Variants in ADNP2 observed in about 807,000 individuals in gnomAD.
The protein encoded by ADNP2 is ADNP homeobox 2, also known as activity-dependent neuroprotector homeobox protein 2.
ADNP2 carries 8 observed loss-of-function variants against 16.4 expected under a neutral mutation model. The observed-to-expected ratio is 0.49, with a 90% CI of 0.29 to 0.88. The LOEUF is 0.88. ADNP2 is among the 40% of genes least tolerant of loss of function. The pLI is 0.09. For missense variants in ADNP2, 1,397 were observed against 1,395.1 expected (o/e 1.00, Z -0.02); for synonymous variants, 637 against 545.8 (o/e 1.17, Z -2.33).
chr18:80,115,201 T>C (rs556975639), intron 1 of ADNP2, among the ~76,000 whole-genome samples: 2 of 152,338 alleles, frequency 1.3e-5, no homozygotes, highest in East Asian at 3.9e-4. Context: ...ATGCCCACAT[T>C]GTCTCGTATC....
chr18:80,112,675 A>T (rs1677633738), intron 1 of ADNP2, among the ~76,000 whole-genome samples: 1 of 152,336 alleles, frequency 6.6e-6, no homozygotes, highest in African/African-American at 2.4e-5. Flanking sequence ...CCAATCTCTG[A>T]GAGCCTCATT....
rs1419875288 is a variant in ADNP2 at position 80,133,163 on chromosome 18, T to G, written c.169T>G (p.Ser57Ala). 1 of 1,613,666 alleles carries G rather than the reference T, an allele frequency of 6.2e-7. No homozygotes were observed. Among genetic ancestry groups the G allele is most frequent in the Non-Finnish European group, 8.5e-7 (1 of 1,179,690 alleles). The change falls in exon 3 of 4, where the codon TCT becomes GCT. Residue 57 changes from serine to alanine, a missense_variant. By Grantham distance (99) the Ser-to-Ala change is moderately conservative. Coordinates refer to ENST00000262198, the MANE Select transcript of ADNP2 (RefSeq NM_014913.4). ...YFHNTSWGDV[S>A]LWEPSGKKVR... ...TCATAACACATCATGGGGTGATGTTTCTCTCTGGGAACCTTCTGGAAAGAA... is the reference window on the plus strand; with the variant it reads ...TCATAACACATCATGGGGTGATGTTGCTCTCTGGGAACCTTCTGGAAAGAA...
chr18:80,136,165 T>C lies in ADNP2; in HGVS notation c.752T>C (p.Ile251Thr). ...RDLENKLRSV[I>T]SEHIKRTGLL... ...TTGGAGAATAAGCTTAGATCTGTGA[T>C]TTCAGAACATATTAAGAGGACTGGA... Residue 251 changes from isoleucine (I) to threonine (T), a missense_variant, in exon 4 of 4, where the codon ATT (isoleucine) becomes ACT (threonine). Ile to Thr is a moderately conservative substitution (Grantham distance 89). Transcript: ENST00000262198. 1 of 1,614,246 alleles carries C rather than the reference T, an allele frequency of 6.2e-7. No individual in the cohort carries two copies. Among genetic ancestry groups the C allele is most frequent in the Non-Finnish European group, 8.5e-7 (1 of 1,180,038 alleles).
intron 1 of ADNP2, among the ~76,000 whole-genome samples, chr18:80,116,755 C>T (rs538545990): frequency 7.9e-5 from 12 of 152,306 alleles, no homozygotes; most frequent in Admixed American, 4.6e-4. Context: ...CTCACCTCAG[C>T]CTCCTGGATA....
intron 1 of ADNP2, among the ~76,000 whole-genome samples, chr18:80,113,323 A>T (rs931766018): frequency 6.6e-6 from 1 of 152,212 alleles, no homozygotes; most frequent in Non-Finnish European, 1.5e-5. Context: ...AAAGAAATTT[A>T]TCCGCTTCAA....
intron 2 of ADNP2, among the ~76,000 whole-genome samples, chr18:80,129,110 T>TTG (rs1041908232): frequency 5.3e-5 from 8 of 149,696 alleles, no homozygotes; most frequent in African/African-American, 2.0e-4. Context: ...TTTTTGTTTT[T>TTG]TTTTTTTTTT....
At position 80,139,345 on chromosome 18, in the gene ADNP2, C is replaced by G. The variant is rs944403859; in HGVS notation, c.*536C>G. The G allele has an allele frequency of 7.3e-5, 11 of 151,240 alleles. No homozygotes were observed. The highest frequency in any genetic ancestry group is 2.2e-4 in the African/African-American group (9 of 41,200). 9.4% of individuals were successfully genotyped at this position (151,240 alleles called of 1,614,324 possible). On this transcript the variant is annotated 3_prime_UTR_variant, in exon 4 of 4. Transcript: ENST00000262198. ...ACTTACGCTGACTTCTTTGTAAGAT[C>G]TTTGCTTATAGATTATAATTTAGAT...
At chr18:80,133,047 A>G in intron 2 of ADNP2, 56 bp from the exon 3 acceptor site, 1 of 1,248,896 alleles carries the variant, frequency 8.0e-7, no homozygotes, top group Non-Finnish European at 1.2e-6. Context: ...TTCTAATTAA[A>G]TATTTCTTTA....
chr18:80,114,617 G>A (rs1432458661), intron 1 of ADNP2, among the ~76,000 whole-genome samples: 1 of 152,064 alleles, frequency 6.6e-6, no homozygotes, highest in Non-Finnish European at 1.5e-5. Context: ...CACTACATTC[G>A]AGCGGGTTAT....
Position 80,125,154 on chromosome 18 carries a change from G to A in ADNP2, c.108+7504G>A, listed in dbSNP as rs143601659. 1.2e-3 allele frequency among the ~76,000 whole-genome samples: 190 copies of A among 152,300 alleles called. 2 individuals carry two copies. The highest frequency in any genetic ancestry group is 4.2e-3 in the African/African-American group (176 of 41,568). The stretch of plus-strand genomic sequence containing the variant: ...TTTGTTACCCAACGTGTTAGCCTAT[G>A]CCTTTTGAGTATCTGGACCCAGGGG... On this transcript the variant is annotated intron_variant, in intron 2 of 3. Transcript: ENST00000262198.
chr18:80,121,060 T>C (rs934395164), intron 2 of ADNP2, among the ~76,000 whole-genome samples: 1 of 152,224 alleles, frequency 6.6e-6, no homozygotes, highest in East Asian at 1.9e-4. Flanking sequence ...CTGCCAAACT[T>C]TTCACAGTGA....
Position 80,138,227 on chromosome 18 carries a change from C to T in ADNP2, c.2814C>T (p.Cys938=). The part of the protein sequence containing the change: ...LAAIAVHLVR[C]RSAPKDSSSD... ...CCATCGCCGTCCATTTGGTGCGCTG[C>T]AGAAGTGCTCCCAAGGACAGCAGCT... The change falls in exon 4 of 4, where the codon TGC becomes TGT. Residue 938 remains cysteine, a synonymous_variant. Coordinates refer to ENST00000262198, the MANE Select transcript of ADNP2 (RefSeq NM_014913.4). 1.9e-6 allele frequency: 3 copies of T among 1,614,150 alleles called. No homozygotes were observed. The highest frequency in any genetic ancestry group is 8.5e-7 in the Non-Finnish European group (1 of 1,180,038).
In ADNP2 at chr18:80,137,117, C is replaced by G; in HGVS notation, c.1704C>G (p.Asn568Lys). The G allele has an allele frequency of 6.2e-7, 1 of 1,614,222 alleles. No homozygotes were observed. Among genetic ancestry groups the G allele is most frequent in the Non-Finnish European group, 8.5e-7 (1 of 1,180,044 alleles). ...TGAGGCCTGGGGTCTTGCAACTCAACCAGACTGTGGGCACCAACATTCTGC... is the reference window on the plus strand; with the variant it reads ...TGAGGCCTGGGGTCTTGCAACTCAAGCAGACTGTGGGCACCAACATTCTGC... ...QPVRPGVLQL[N>K]QTVGTNILPV... The change falls in exon 4 of 4, where the codon AAC becomes AAG. Residue 568 changes from asparagine to lysine, a missense_variant. By Grantham distance (94) the Asn-to-Lys change is moderately conservative (BLOSUM62 0). Transcript: ENST00000262198. The surrounding 1 kb of genome is among the most constrained non-coding windows in gnomAD (Gnocchi z 4.2).
chr18:80,133,196 T>G lies in ADNP2; in HGVS notation c.198+4T>G, dbSNP rs111782975. The G allele has an allele frequency of 2.4e-3, 3,932 of 1,607,756 alleles. 91 individuals carry two copies. The African/African-American group carries it at 0.046, about 19-fold the overall frequency. ...GGAACCTTCTGGAAAGAAAGTGGTA[T>G]GTATTTTTTGCATTTGTTTTTCATG... On this transcript the variant is annotated splice_donor_region_variant and intron_variant, in intron 3 of 3. Coordinates refer to ENST00000262198, the MANE Select transcript of ADNP2 (RefSeq NM_014913.4).
rs1329341675 is a variant in ADNP2 at position 80,135,900 on chromosome 18, TCAAA to T, written c.490_493del (p.Asn164LeufsTer6). On this transcript the variant is annotated frameshift_variant, in exon 4 of 4. Transcript: ENST00000262198. LOFTEE classifies it low-confidence loss of function (END_TRUNC). ...TTTCACATGTCTAAAATGTAACTTT[TCAAA>T]CACTTTGTACTACAGCATGAAGAAG... 2 of 1,614,244 alleles carry T rather than the reference TCAAA, an allele frequency of 1.2e-6. No individual in the cohort carries two copies. Among genetic ancestry groups the T allele is most frequent in the Non-Finnish European group, 1.7e-6 (2 of 1,180,044 alleles).
Position 80,139,247 on chromosome 18 carries a change from CAGTG to C in ADNP2, c.*443_*446del, listed in dbSNP as rs1270853092. On this transcript the variant is annotated 3_prime_UTR_variant, in exon 4 of 4. Transcript: ENST00000262198. ...GCTTTCCCTGTAGCAGCAGATGGTA[CAGTG>C]AGTGTTCAGAGACGTGGGTACAAAC... 1 of 155,858 alleles carries C rather than the reference CAGTG, an allele frequency of 6.4e-6. No individual in the cohort carries two copies. The highest frequency in any genetic ancestry group is 1.4e-5 in the Non-Finnish European group (1 of 70,858). 9.7% of individuals were successfully genotyped at this position (155,858 alleles called of 1,614,324 possible). A position where few individuals can be genotyped will look rare whatever the true frequency, so the allele number is the denominator to read the frequency against.
In ADNP2 at chr18:80,136,538, T is replaced by G; in HGVS notation, c.1125T>G (p.Ser375Arg). Residue 375 changes from serine to arginine, a missense_variant, in exon 4 of 4, where the codon AGT becomes AGG. Physicochemically the swap from Ser to Arg is moderately radical, Grantham distance 110 (BLOSUM62 -1). Around this residue, in one of 3 missense-constraint regions of ADNP2, gnomAD observed 777 missense variants for 719.4 expected, o/e 1.08. Transcript: ENST00000262198. The stretch of plus-strand genomic sequence containing the variant: ...TGAATCCTCCTGTGTTGCCCTTGAG[T>G]CAGCCAGTCGGACCTGTCAATAAGT... ...QSVNPPVLPL[S>R]QPVGPVNKSV... 1 of 1,614,194 alleles carries G rather than the reference T, an allele frequency of 6.2e-7. No homozygotes were observed. The highest frequency in any genetic ancestry group is 8.5e-7 in the Non-Finnish European group (1 of 1,180,040).
Position 80,138,556 on chromosome 18 carries a change from G to T in ADNP2, c.3143G>T (p.Gly1048Val), listed in dbSNP as rs781464886. ...GCATTAGATCCTAAAAAATATGAAG[G>T]CCGTTCTTATGAAGAAAAGAAGCAA... is the stretch of plus-strand genomic sequence containing the variant. ...ILALDPKKYEGRSYEEKKQFL... is the reference protein window; with the variant it reads ...ILALDPKKYEVRSYEEKKQFL... The change falls in exon 4 of 4, where the codon GGC (glycine) becomes GTC (valine). Residue 1048 changes from glycine to valine, a missense_variant. Transcript: ENST00000262198. 2 of 1,611,638 alleles carry T rather than the reference G, an allele frequency of 1.2e-6. No homozygotes were observed. Among genetic ancestry groups the T allele is most frequent in the Admixed American group, 3.4e-5 (2 of 59,452 alleles).
At chr18:80,122,587 A>C (rs1008043756) in intron 2 of ADNP2, among the ~76,000 whole-genome samples, 1 of 152,214 alleles carries the variant, frequency 6.6e-6, no homozygotes, top group Non-Finnish European at 1.5e-5. Context: ...GTATTTTGTT[A>C]TAAGTGGAAT....
Sources: gnomAD v4.1 joint callset for allele counts (sites outside exome capture counted in the v4.1 genomes callset) on GRCh38, gnomAD v4.1.1 for gene constraint, gnomAD v4.1.1 regional missense constraint, Gnocchi (gnomAD v3.1) non-coding constraint, MANE v1.5 for transcripts, NCBI Gene and HGNC (gene_info 2026-07-23, HGNC 2026-07-21) for gene names.